Variants in DNM3 observed in about 807,000 individuals in gnomAD.
DNM3 encodes the protein dynamin 3, also known as dynamin-3.
Under a neutral mutation model 101.6 loss-of-function variants are expected in DNM3, and 47 were observed. The observed-to-expected ratio is 0.46, with a 90% confidence interval of 0.37 to 0.59. DNM3 has a LOEUF of 0.59. Among genes scored for constraint, DNM3 ranks in the 20% least tolerant of loss-of-function variants. DNM3 has a pLI of 0.00. For missense variants in DNM3, 849 were observed against 1,085.7 expected (o/e 0.78, Z 3.06); for synonymous variants, 385 against 387.9 (o/e 0.99, Z 0.09).
chr1:172,186,109 C>T (rs997075280), intron 14 of DNM3, among the ~76,000 whole-genome samples: 2 of 152,090 alleles, frequency 1.3e-5, no homozygotes, highest in Non-Finnish European at 2.9e-5. Flanking sequence ...TTTTAACTCA[C>T]TTCCTGGGAA....
intron 14 of DNM3, among the ~76,000 whole-genome samples, chr1:172,149,780 G>GA (rs2058058910): frequency 6.6e-6 from 1 of 151,792 alleles, no homozygotes; most frequent in Non-Finnish European, 1.5e-5. Context: ...ATATCCTAAG[G>GA]AAAAAATACC....
intron 14 of DNM3, among the ~76,000 whole-genome samples, chr1:172,231,623 G>T (rs986569021): frequency 6.6e-6 from 1 of 152,188 alleles, no homozygotes; most frequent in African/African-American, 2.4e-5. Context: ...GGAGAAGAAG[G>T]CTTCAGATGA....
intron 15 of DNM3, among the ~76,000 whole-genome samples, chr1:172,284,979 G>T (rs1374130840): frequency 1.3e-5 from 2 of 152,160 alleles, no homozygotes; most frequent in African/African-American, 4.8e-5. Context: ...TCCAGTTGAG[G>T]CTGTAAGGGT....
chr1:172,064,057 T>C (rs1160696708), intron 10 of DNM3, among the ~76,000 whole-genome samples: 1 of 152,158 alleles, frequency 6.6e-6, no homozygotes, highest in Non-Finnish European at 1.5e-5. Flanking sequence ...TGATATAAAC[T>C]GAGCATGGAG....
At chr1:172,188,845 C>T (rs2059610321) in intron 14 of DNM3, among the ~76,000 whole-genome samples, 1 of 152,012 alleles carries the variant, frequency 6.6e-6, no homozygotes, top group African/African-American at 2.4e-5. Context: ...CTCTATTTGG[C>T]ATTGTCAAGT....
chr1:172,220,016 G>A (rs893410266), intron 14 of DNM3, among the ~76,000 whole-genome samples: 17 of 152,234 alleles, frequency 1.1e-4, no homozygotes, highest in Middle Eastern at 6.8e-3. Flanking sequence ...GGGAAACATG[G>A]CTCATCTGGC....
intron 15 of DNM3, among the ~76,000 whole-genome samples, chr1:172,284,157 A>G (rs1345218424): frequency 6.6e-6 from 1 of 152,212 alleles, no homozygotes; most frequent in Non-Finnish European, 1.5e-5. Context: ...TGTTCTTTGA[A>G]ACAGCCATCT....
chr1:171,899,397 A>G (rs2038103544), intron 1 of DNM3, among the ~76,000 whole-genome samples: 1 of 152,192 alleles, frequency 6.6e-6, no homozygotes, highest in Admixed American at 6.5e-5. Context: ...TGAAGTGACT[A>G]AAAATGAATT....
chr1:172,350,553 C>T (rs920022337), intron 17 of DNM3, among the ~76,000 whole-genome samples: 12 of 152,024 alleles, frequency 7.9e-5, no homozygotes, highest in African/African-American at 1.7e-4. Context: ...GAAAACGTAA[C>T]GTAAAACAAT....
chr1:172,283,780 A>AAAAAAGAAAG (rs1553221113), intron 15 of DNM3, among the ~76,000 whole-genome samples: 87 of 119,054 alleles, frequency 7.3e-4, no homozygotes, highest in Admixed American at 3.6e-3. Context: ...AAAAAAAAAA[A>AAAAAAGAAAG]AAAGAAAGAA....
At chr1:172,144,700 A>G in intron 14 of DNM3, 1 of 491,374 alleles carries the variant, frequency 2.0e-6, no homozygotes, top group South Asian at 1.6e-5. Context: ...TTCCTGCACC[A>G]GGGGTTGCAT....
At chr1:172,220,496 C>T (rs1377718837) in intron 14 of DNM3, among the ~76,000 whole-genome samples, 1 of 152,092 alleles carries the variant, frequency 6.6e-6, no homozygotes, top group Non-Finnish European at 1.5e-5. Flanking sequence ...ATGGGGGAGG[C>T]AGTGAGGCCT....
exon 21 of DNM3, chr1:172,418,331 TCTC>T (rs2071503606): frequency 7.8e-7 from 1 of 1,288,638 alleles, no homozygotes; most frequent in African/African-American, 1.5e-5. Flanking sequence ...CCATCATTCA[TCTC>T]CTTTTGTTTC....
At position 172,042,074 on chromosome 1, in the gene DNM3, C is replaced by A; in HGVS notation, c.1058C>A (p.Thr353Asn). 6.2e-7 allele frequency: 1 copy of A among 1,611,598 alleles called. No homozygotes were observed. Among genetic ancestry groups the A allele is most frequent in the South Asian group, 1.1e-5 (1 of 90,530 alleles). ...GAAGGGTCAGGGGATCAAGTAGATACCCTGGAACTCTCAGGTGGTGCTAAA... is the reference window on the plus strand; with the variant it reads ...GAAGGGTCAGGGGATCAAGTAGATAACCTGGAACTCTCAGGTGGTGCTAAA... ...RIEGSGDQVD[T>N]LELSGGAKIN... The change falls in exon 8 of 21, where the codon ACC becomes AAC. Residue 353 changes from threonine to asparagine, a missense_variant. Coordinates refer to ENST00000627582, the MANE Select transcript of DNM3 (RefSeq NM_015569.5).
chr1:172,248,851 CAAT>C (rs1159312562), intron 14 of DNM3, among the ~76,000 whole-genome samples: 7 of 152,048 alleles, frequency 4.6e-5, no homozygotes, highest in Non-Finnish European at 8.8e-5. Context: ...CAAATCAATT[CAAT>C]AATATTTATA....
rs1226896316 is a variant in DNM3, at chr1:172,014,095, G to A, written c.590-18307G>A. Among the ~76,000 whole-genome samples the A allele has an allele frequency of 2.0e-5, 3 of 151,934 alleles. No individual in the cohort carries two copies. In the East Asian group the frequency reaches 5.8e-4, roughly 29 times the overall value. On this transcript the variant is annotated intron_variant, in intron 4 of 20. Coordinates refer to ENST00000627582, the MANE Select transcript of DNM3 (RefSeq NM_015569.5). ...TGAACACACATGTTTATAGCAGCAC[G>A]ATTTGCAACGGTGAAAATATGGAAC... is the stretch of plus-strand genomic sequence containing the variant.
At position 171,881,688 on chromosome 1, in the gene DNM3, G is replaced by A. The variant is rs1445245658; in HGVS notation, c.161+39871G>A. Among the ~76,000 whole-genome samples, 64 of 152,198 alleles carry A rather than the reference G, an allele frequency of 4.2e-4. 1 individual carries two copies. The highest frequency in any genetic ancestry group is 4.2e-3 in the Admixed American group (64 of 15,284). ...AGACCTCTCGGTACAGTATAGATATGCAAATGCTAACACCCAGAGTGTCTG... is the reference window on the plus strand; with the variant it reads ...AGACCTCTCGGTACAGTATAGATATACAAATGCTAACACCCAGAGTGTCTG... On this transcript the variant is annotated intron_variant, in intron 1 of 20. Transcript: ENST00000627582.
intron 13 of DNM3, among the ~76,000 whole-genome samples, chr1:172,098,520 C>T (rs1234141193): frequency 6.6e-6 from 1 of 152,146 alleles, no homozygotes; most frequent in Non-Finnish European, 1.5e-5. Flanking sequence ...GCAATCATCA[C>T]AGGGTCCTGA....
intron 1 of DNM3, among the ~76,000 whole-genome samples, chr1:171,877,142 C>T (rs753479744): frequency 2.6e-5 from 4 of 152,118 alleles, no homozygotes; most frequent in East Asian, 1.9e-4. Flanking sequence ...CTTTAGGATA[C>T]GTCCTGAAAC....
Sources: gnomAD v4.1 joint callset for allele counts (sites outside exome capture counted in the v4.1 genomes callset) on GRCh38, gnomAD v4.1.1 for gene constraint, MANE v1.5 for transcripts, NCBI Gene and HGNC (gene_info 2026-07-23, HGNC 2026-07-21) for gene names.